Variants in SLC25A48 observed in about 807,000 individuals in gnomAD.
SLC25A48 encodes CTC-321K16.1.
In SLC25A48, 29 loss-of-function variants were observed where a neutral mutation model predicts 32.2. The ratio of observed to expected loss-of-function variants is 0.90; its 90% CI spans 0.67 to 1.23. SLC25A48 has a LOEUF of 1.23. Among genes scored for constraint, SLC25A48 ranks in the 50% most tolerant of loss-of-function variants. SLC25A48 has a pLI of 0.00. For missense variants in SLC25A48, 399 were observed against 422.7 expected (o/e 0.94, Z 0.49); for synonymous variants, 164 against 172.3 (o/e 0.95, Z 0.38).
intron 3 of SLC25A48, among the ~76,000 whole-genome samples, chr5:135,642,769 C>T (rs963376428): frequency 1.3e-5 from 2 of 152,076 alleles, no homozygotes; most frequent in Non-Finnish European, 2.9e-5. Flanking sequence ...AAACTCATAG[C>T]GAGTGGTTCC....
chr5:135,688,314 C>CT (rs201148921), intron 3 of SLC25A48, among the ~76,000 whole-genome samples: 192 of 148,130 alleles, frequency 1.3e-3, no homozygotes, highest in East Asian at 9.1e-3. Flanking sequence ...TTCTCTCAGG[C>CT]TTTTTTTTTT....
chr5:135,767,927 C>T (rs1756285931), intron 3 of SLC25A48, among the ~76,000 whole-genome samples: 1 of 146,162 alleles, frequency 6.8e-6, no homozygotes, highest in South Asian at 2.1e-4. Flanking sequence ...CTGGGGTGTA[C>T]ACACCCCTGT....
In SLC25A48 at chr5:135,888,127, G is replaced by A; in HGVS notation, c.*103G>A. 1 of 1,543,110 alleles carries A rather than the reference G, an allele frequency of 6.5e-7. No homozygotes were observed. On this transcript the variant is annotated 3_prime_UTR_variant, in exon 8 of 8. Transcript: ENST00000681962. The stretch of plus-strand genomic sequence containing the variant: ...ATGTTTGGCCTTTGGACCTCCAAGT[G>A]GACATCAATTAGCAAGCGTGGGCTA...
chr5:135,726,442 C>A (rs11957218), intron 3 of SLC25A48, among the ~76,000 whole-genome samples: 5,294 of 152,254 alleles, frequency 0.035, 271 homozygotes, highest in African/African-American at 0.11. Flanking sequence ...CCTCATGTTG[C>A]CCTTTTTGGC....
chr5:135,765,297 G>A (rs34663543), intron 3 of SLC25A48, among the ~76,000 whole-genome samples: 1 of 150,644 alleles, frequency 6.6e-6, no homozygotes, highest in African/African-American at 2.4e-5. Context: ...TCAGGGGTAA[G>A]AGGGTAATGT....
intron 3 of SLC25A48, among the ~76,000 whole-genome samples, chr5:135,669,473 A>G (rs1580770786): frequency 6.6e-6 from 1 of 152,296 alleles, no homozygotes; most frequent in East Asian, 1.9e-4. Flanking sequence ...GCAGAAATAC[A>G]TAATCTAGCA....
At chr5:135,868,959 T>C (rs1761432950) in intron 4 of SLC25A48, among the ~76,000 whole-genome samples, 2 of 152,136 alleles carry the variant, frequency 1.3e-5, no homozygotes, top group South Asian at 4.2e-4. Flanking sequence ...GTTTAGACAC[T>C]GGGACAATTA....
chr5:135,663,033 T>C (rs1651076615), intron 3 of SLC25A48, among the ~76,000 whole-genome samples: 1 of 152,208 alleles, frequency 6.6e-6, no homozygotes, highest in African/African-American at 2.4e-5. Flanking sequence ...AAGCTGATCC[T>C]TTGTGCTGTG....
At chr5:135,777,410 C>T (rs2126616772) in intron 3 of SLC25A48, among the ~76,000 whole-genome samples, 1 of 151,444 alleles carries the variant, frequency 6.6e-6, no homozygotes, top group African/African-American at 2.4e-5. Flanking sequence ...TTATTATATC[C>T]AGAGGGAGAG....
chr5:135,834,201 C>T (rs988554438), upstream of SLC25A48, among the ~76,000 whole-genome samples: 6 of 152,184 alleles, frequency 3.9e-5, no homozygotes, highest in Non-Finnish European at 8.8e-5. Flanking sequence ...TCTGTTGGCC[C>T]AGGGCGGACA....
intron 3 of SLC25A48, among the ~76,000 whole-genome samples, chr5:135,678,414 C>T (rs1753818678): frequency 6.6e-6 from 1 of 152,110 alleles, no homozygotes; most frequent in South Asian, 2.1e-4. Context: ...GTAAATTTCT[C>T]ATTCACATCT....
At chr5:135,745,740 C>T (rs1755622942) in intron 3 of SLC25A48, among the ~76,000 whole-genome samples, 2 of 152,158 alleles carry the variant, frequency 1.3e-5, no homozygotes, top group Admixed American at 6.5e-5. Flanking sequence ...GGGCAGTGAC[C>T]ATGCCTGATC....
chr5:135,877,887 AG>A (rs1346937957), intron 6 of SLC25A48, among the ~76,000 whole-genome samples: 2 of 152,204 alleles, frequency 1.3e-5, no homozygotes, highest in Non-Finnish European at 2.9e-5. Context: ...AGAGGGGACC[AG>A]AAGAGGCCCA....
At chr5:135,758,272 TTAA>T (rs1755972113) in intron 3 of SLC25A48, among the ~76,000 whole-genome samples, 1 of 150,856 alleles carries the variant, frequency 6.6e-6, no homozygotes, top group Non-Finnish European at 1.5e-5. Context: ...ACACATGATA[TTAA>T]TAGGATATCA....
chr5:135,837,464 C>T (rs191424512), intron 1 of SLC25A48, among the ~76,000 whole-genome samples: 26 of 152,310 alleles, frequency 1.7e-4, no homozygotes, highest in African/African-American at 6.0e-4. Flanking sequence ...CTTTGAAGAA[C>T]AGTTTCCCTT....
Position 135,735,252 on chromosome 5 carries a change from G to A in SLC25A48, c.-520-77271G>A, listed in dbSNP as rs1012707636. ...GGATTTTGTCTCACGGTGGAGGCAA[G>A]TAATTGTAACTTTTCTCTATTATTG... On this transcript the variant is annotated intron_variant, in intron 3 of 10. Coordinates refer to the SLC25A48 transcript ENST00000646290. Among the ~76,000 whole-genome samples, 9 of 152,214 alleles carry A rather than the reference G, an allele frequency of 5.9e-5. No individual in the cohort carries two copies. In the South Asian group the frequency reaches 1.4e-3, roughly 25 times the overall value.
At chr5:135,842,871 C>T (rs1759122375) in intron 2 of SLC25A48, among the ~76,000 whole-genome samples, 1 of 152,244 alleles carries the variant, frequency 6.6e-6, no homozygotes, top group Admixed American at 6.5e-5. Flanking sequence ...CCCATCCCCA[C>T]CCCTGCACCC....
chr5:135,677,493 G>T (rs1753799349), intron 3 of SLC25A48, among the ~76,000 whole-genome samples: 2 of 151,976 alleles, frequency 1.3e-5, no homozygotes, highest in Non-Finnish European at 1.5e-5. Context: ...TTGTCTGGTT[G>T]TTTTGTGTAT....
At chr5:135,732,071 G>A (rs1378346439) in intron 3 of SLC25A48, among the ~76,000 whole-genome samples, 1 of 152,282 alleles carries the variant, frequency 6.6e-6, no homozygotes, top group Admixed American at 6.5e-5. Flanking sequence ...GCTGTACCCT[G>A]TAGCATTCCA....
Sources: allele counts gnomAD v4.1 joint callset (sites outside exome capture counted in the v4.1 genomes callset), GRCh38; gene constraint gnomAD v4.1.1; transcripts MANE v1.5; gene names NCBI Gene and HGNC (gene_info 2026-07-23, HGNC 2026-07-21).